TPD52L1: variants seen among roughly 807,000 people sequenced by gnomAD.
TPD52L1 encodes the protein TPD52 like 1, also known as tumor protein D53.
A neutral mutation model predicts 28.7 loss-of-function variants in TPD52L1; 18 were observed. The observed-to-expected ratio is 0.63, with a 90% CI of 0.43 to 0.93. The LOEUF (loss-of-function observed/expected upper bound fraction) is 0.93. Among genes scored for constraint, TPD52L1 ranks in the 40% least tolerant of loss-of-function variants. The pLI, the probability that TPD52L1 is intolerant of heterozygous loss-of-function variation, is 0.00. For synonymous variants in TPD52L1, 75 were observed against 88.8 expected, an observed-to-expected ratio of 0.84 and a Z score of 0.88; for missense variants, 203 against 254.8, an observed-to-expected ratio of 0.80 and a Z score of 1.39.
At chr6:125,222,158 A>C (rs1176483073) in intron 2 of TPD52L1, among the ~76,000 whole-genome samples, 1 of 152,238 alleles carries the variant, frequency 6.6e-6, no homozygotes, top group Non-Finnish European at 1.5e-5. Flanking sequence ...AAGTTCCCTG[A>C]TAGCACGTAT....
At chr6:125,203,892 C>A in intron 1 of TPD52L1, 1 of 671,320 alleles carries the variant, frequency 1.5e-6, no homozygotes, top group Non-Finnish European at 1.8e-6. Flanking sequence ...CAATAATATT[C>A]ACAGTCAAGT....
At chr6:125,256,173 C>A (rs1797588032) in intron 5 of TPD52L1, among the ~76,000 whole-genome samples, 1 of 152,024 alleles carries the variant, frequency 6.6e-6, no homozygotes, top group Non-Finnish European at 1.5e-5. Flanking sequence ...CATGGTGAAA[C>A]CCCATCTCTA....
chr6:125,172,460 T>TGTGTGTGTG (rs1791470736), intron 1 of TPD52L1, among the ~76,000 whole-genome samples: 1 of 114,382 alleles, frequency 8.7e-6, no homozygotes, highest in African/African-American at 3.6e-5. Flanking sequence ...GCCTGGATTT[T>TGTGTGTGTG]TGTGTGTGTG....
chr6:125,232,955 A>G (rs900160022), intron 3 of TPD52L1, among the ~76,000 whole-genome samples: 11 of 152,096 alleles, frequency 7.2e-5, no homozygotes, highest in African/African-American at 2.7e-4. Flanking sequence ...TCAAGGAGAC[A>G]TGGGAGAGGT....
At chr6:125,220,972 G>A (rs1795191629) in intron 2 of TPD52L1, among the ~76,000 whole-genome samples, 1 of 152,164 alleles carries the variant, frequency 6.6e-6, no homozygotes, top group African/African-American at 2.4e-5. Context: ...TCATAGGCCA[G>A]GAAGATCCTG....
At chr6:125,241,201 T>C (rs1262668995) in intron 3 of TPD52L1, among the ~76,000 whole-genome samples, 1 of 152,202 alleles carries the variant, frequency 6.6e-6, no homozygotes, top group African/African-American at 2.4e-5. Flanking sequence ...GGATTATATT[T>C]TTGATATGCT....
At chr6:125,179,369 T>C (rs1344796708) in intron 1 of TPD52L1, among the ~76,000 whole-genome samples, 2 of 152,264 alleles carry the variant, frequency 1.3e-5, no homozygotes, top group Non-Finnish European at 2.9e-5. Flanking sequence ...CATAGGGTCA[T>C]GTCCCACTCA....
chr6:125,252,721 T>C (rs1167232809), intron 4 of TPD52L1: 2 of 152,226 alleles, frequency 1.3e-5, no homozygotes, highest in Non-Finnish European at 2.9e-5. Flanking sequence ...GCTTTTGAAG[T>C]GTAATTTCTG....
rs1789946262 is a variant in TPD52L1 at position 125,154,007 on chromosome 6, G to A, written c.19+37G>A. On this transcript the variant is annotated intron_variant, in intron 1 of 6. Coordinates refer to ENST00000534000, the MANE Select transcript of TPD52L1 (RefSeq NM_003287.4). ...CCGATCGCCCCGAGAGTCAGGTCCT[G>A]GGGCGCGCATAAAGGCTCTTTTCCT... 3 of 1,592,272 alleles carry A rather than the reference G, an allele frequency of 1.9e-6. No individual in the cohort carries two copies. The East Asian group carries it at 6.8e-5, about 36-fold the overall frequency.
intron 1 of TPD52L1, chr6:125,208,932 A>C: frequency 1.0e-6 from 1 of 985,402 alleles, no homozygotes; most frequent in Non-Finnish European, 1.2e-6. Flanking sequence ...CCCAAGGTGT[A>C]GCTCAAAGCT....
intron 5 of TPD52L1, among the ~76,000 whole-genome samples, chr6:125,254,714 G>GT (rs1220455247): frequency 1.3e-5 from 2 of 152,082 alleles, no homozygotes; most frequent in Non-Finnish European, 2.9e-5. Flanking sequence ...CTTTTCCTCT[G>GT]TTTTTTAACT....
At chr6:125,260,721 G>T (rs1430369924) in intron 6 of TPD52L1, among the ~76,000 whole-genome samples, 1 of 151,658 alleles carries the variant, frequency 6.6e-6, no homozygotes, top group African/African-American at 2.4e-5. Context: ...AGACAGAATT[G>T]CTTGAACCCA....
At chr6:125,247,049 G>A (rs1796960263) in intron 3 of TPD52L1, among the ~76,000 whole-genome samples, 1 of 152,010 alleles carries the variant, frequency 6.6e-6, no homozygotes, top group South Asian at 2.1e-4. Flanking sequence ...GGAAGACCAA[G>A]GCACATATTT....
chr6:125,161,150 GCCT>G (rs1790502056), intron 1 of TPD52L1, among the ~76,000 whole-genome samples: 1 of 152,136 alleles, frequency 6.6e-6, no homozygotes, highest in Non-Finnish European at 1.5e-5. Flanking sequence ...ACCATGCCAG[GCCT>G]GAGATGACTT....
chr6:125,238,931 A>G (rs1215346594), intron 3 of TPD52L1, among the ~76,000 whole-genome samples: 2 of 152,234 alleles, frequency 1.3e-5, no homozygotes, highest in Admixed American at 6.5e-5. Flanking sequence ...TTGTGCTGCT[A>G]TAAATATGCA....
chr6:125,209,744 G>A (rs1794378914), intron 1 of TPD52L1, among the ~76,000 whole-genome samples: 1 of 152,150 alleles, frequency 6.6e-6, no homozygotes, highest in Admixed American at 6.5e-5. Flanking sequence ...TGGGCTCAGG[G>A]AAAGCAAAGA....
At chr6:125,214,382 A>C in intron 1 of TPD52L1, 1 of 861,686 alleles carries the variant, frequency 1.2e-6, no homozygotes, top group Non-Finnish European at 1.4e-6. Flanking sequence ...TACACATCTC[A>C]GGGCTTAGCT....
chr6:125,165,573 C>A (rs776327382), intron 1 of TPD52L1, among the ~76,000 whole-genome samples: 26 of 152,188 alleles, frequency 1.7e-4, no homozygotes, highest in Non-Finnish European at 3.2e-4. Context: ...ATGTACCACA[C>A]ATGAAAAATG....
chr6:125,224,902 T>C (rs936774958), intron 2 of TPD52L1, among the ~76,000 whole-genome samples: 2 of 152,224 alleles, frequency 1.3e-5, no homozygotes, highest in African/African-American at 2.4e-5. Context: ...AACTTATCCA[T>C]TTTAAAGTGA....
Sources: allele counts gnomAD v4.1 joint callset (sites outside exome capture counted in the v4.1 genomes callset), GRCh38; gene constraint gnomAD v4.1.1; transcripts MANE v1.5; gene names NCBI Gene and HGNC (gene_info 2026-07-23, HGNC 2026-07-21).